Variants in TAFA1 observed in about 807,000 individuals in gnomAD.
TAFA1 encodes TAFA chemokine like family member 1.
TAFA1 carries 4 observed loss-of-function variants against 18.5 expected under a neutral mutation model. The observed-to-expected ratio is 0.22, with a 90% confidence interval of 0.11 to 0.49. TAFA1 has a LOEUF of 0.49. Among genes scored for constraint, TAFA1 ranks in the 20% least tolerant of loss-of-function variants. TAFA1 has a pLI of 0.98. For missense variants in TAFA1, 147 were observed against 169.0 expected (o/e 0.87, Z 0.72); for synonymous variants, 56 against 55.2 (o/e 1.01, Z -0.06).
At chr3:68,266,482 T>G (rs1272474971) in intron 2 of TAFA1, among the ~76,000 whole-genome samples, 2 of 152,154 alleles carry the variant, frequency 1.3e-5, no homozygotes, top group Admixed American at 1.3e-4. Context: ...TTTGGTTTGT[T>G]TTTCATGGTT....
At chr3:68,474,549 G>C (rs2072056230) in intron 3 of TAFA1, among the ~76,000 whole-genome samples, 1 of 152,322 alleles carries the variant, frequency 6.6e-6, no homozygotes, top group South Asian at 2.1e-4. Flanking sequence ...TGAACTCAAT[G>C]TGCAGACTTG....
chr3:68,423,511 G>A (rs2070997433), intron 3 of TAFA1, among the ~76,000 whole-genome samples: 1 of 152,114 alleles, frequency 6.6e-6, no homozygotes, highest in Non-Finnish European at 1.5e-5. Flanking sequence ...ATCTGGGTGA[G>A]AGGGAAGTAA....
At chr3:68,391,316 A>G (rs1346200074) in intron 2 of TAFA1, among the ~76,000 whole-genome samples, 1 of 152,202 alleles carries the variant, frequency 6.6e-6, no homozygotes, top group Non-Finnish European at 1.5e-5. Context: ...TAGAGAAAAA[A>G]GAGAATGAAA....
At chr3:68,095,670 T>C (rs751704557) in intron 2 of TAFA1, among the ~76,000 whole-genome samples, 19 of 152,138 alleles carry the variant, frequency 1.2e-4, no homozygotes, top group Non-Finnish European at 1.9e-4. Flanking sequence ...ATGGTGGTGA[T>C]GATAGTGATG....
chr3:68,159,413 C>G (rs896100213), intron 2 of TAFA1, among the ~76,000 whole-genome samples: 3 of 152,140 alleles, frequency 2.0e-5, no homozygotes, highest in African/African-American at 7.2e-5. Context: ...GCAAAACATG[C>G]CAGAACGTCT....
At chr3:68,060,620 T>G (rs1175767804) in intron 2 of TAFA1, among the ~76,000 whole-genome samples, 2 of 152,152 alleles carry the variant, frequency 1.3e-5, no homozygotes, top group African/African-American at 2.4e-5. Context: ...CTTGTTTGCT[T>G]ATGCATAACA....
chr3:68,076,281 C>CTTTT (rs57929396), intron 2 of TAFA1, among the ~76,000 whole-genome samples: 49 of 147,542 alleles, frequency 3.3e-4, no homozygotes, highest in African/African-American at 1.2e-3. Context: ...GTTCCTACTT[C>CTTTT]TTTTTTTTTT....
Position 68,096,615 on chromosome 3 carries a change from C to T in TAFA1, c.118+89871C>T, listed in dbSNP as rs1473923263. 2.0e-5 allele frequency among the ~76,000 whole-genome samples: 3 copies of T among 152,192 alleles called. No homozygotes were observed. The East Asian group carries it at 5.8e-4, about 29-fold the overall frequency. ...ACTAAGGCTTGGAGAAGTTAGTTAA[C>T]TTCTCCAAAGTCAGACAGCTTGTAT... On this transcript the variant is annotated intron_variant, in intron 2 of 4. Transcript: ENST00000478136.
intron 3 of TAFA1, among the ~76,000 whole-genome samples, chr3:68,501,212 T>C (rs1511898): frequency 0.2 from 30,132 of 148,550 alleles, 3,152 homozygotes; most frequent in Middle Eastern, 0.24. Flanking sequence ...TCTGTAAATA[T>C]CTAGTTCCAA....
intron 2 of TAFA1, among the ~76,000 whole-genome samples, chr3:68,265,760 C>G (rs534747665): frequency 6.6e-6 from 1 of 152,126 alleles, no homozygotes; most frequent in African/African-American, 2.4e-5. Context: ...TGAACTGTTG[C>G]GTACTGCAGA....
chr3:68,129,764 C>T (rs1471797777), intron 2 of TAFA1, among the ~76,000 whole-genome samples: 1 of 152,140 alleles, frequency 6.6e-6, no homozygotes. Flanking sequence ...CTCTGTAATA[C>T]AGTGTTTGAC....
chr3:68,104,287 A>G (rs150266018), intron 2 of TAFA1, among the ~76,000 whole-genome samples: 63 of 152,266 alleles, frequency 4.1e-4, no homozygotes, highest in Admixed American at 9.2e-4. Flanking sequence ...ATTGTCTAAG[A>G]ATTCTTACAT....
chr3:68,359,835 A>C (rs1312244433), intron 2 of TAFA1, among the ~76,000 whole-genome samples: 1 of 152,010 alleles, frequency 6.6e-6, no homozygotes, highest in Non-Finnish European at 1.5e-5. Context: ...TTTTTCCATT[A>C]GACGAACCAC....
In TAFA1 at chr3:68,483,424, C is replaced by G. The variant is rs186798427; in HGVS notation, c.260-55332C>G. 4.4e-3 allele frequency among the ~76,000 whole-genome samples: 666 copies of G among 152,308 alleles called. 4 individuals carry two copies. The highest frequency in any genetic ancestry group is 5.9e-3 in the Non-Finnish European group (401 of 68,038). ...ACCCATTTACATCTTTTTCATTAAT[C>G]CATTCAGCAAATATTTACTGAACAC... On this transcript the variant is annotated intron_variant, in intron 3 of 4. Coordinates refer to ENST00000478136, the MANE Select transcript of TAFA1 (RefSeq NM_213609.4).
At chr3:68,477,291 G>A (rs2072117790) in intron 3 of TAFA1, among the ~76,000 whole-genome samples, 1 of 152,046 alleles carries the variant, frequency 6.6e-6, no homozygotes, top group South Asian at 2.1e-4. Context: ...TCCACAGAAT[G>A]AGTGTATATT....
chr3:68,387,107 C>A (rs1176920206), intron 2 of TAFA1, among the ~76,000 whole-genome samples: 1 of 151,452 alleles, frequency 6.6e-6, no homozygotes, highest in Non-Finnish European at 1.5e-5. Flanking sequence ...AGGATGGAGC[C>A]CTTAAGCACA....
intron 3 of TAFA1, among the ~76,000 whole-genome samples, chr3:68,491,697 A>T (rs1210490932): frequency 6.6e-6 from 1 of 152,148 alleles, no homozygotes; most frequent in East Asian, 1.9e-4. Context: ...TAATAAATAA[A>T]TAAATTTTAA....
intron 2 of TAFA1, among the ~76,000 whole-genome samples, chr3:68,031,275 G>A (rs188042309): frequency 6.6e-6 from 1 of 152,228 alleles, no homozygotes. Flanking sequence ...TTGAGAAATT[G>A]ATGTTGAATT....
At chr3:68,459,760 C>T (rs1179144038) in intron 3 of TAFA1, among the ~76,000 whole-genome samples, 2 of 152,044 alleles carry the variant, frequency 1.3e-5, no homozygotes, top group Non-Finnish European at 2.9e-5. Flanking sequence ...TTAAGATATC[C>T]CAGTCAAATA....
Sources: gnomAD v4.1 joint callset for allele counts (sites outside exome capture counted in the v4.1 genomes callset) on GRCh38, gnomAD v4.1.1 for gene constraint, MANE v1.5 for transcripts, NCBI Gene and HGNC (gene_info 2026-07-23, HGNC 2026-07-21) for gene names.